Variants in HTR2C observed in about 807,000 individuals in gnomAD.
HTR2C encodes 5-hydroxytryptamine (serotonin) receptor 2C, G protein-coupled.
In HTR2C, 5 loss-of-function variants were observed where a neutral mutation model predicts 21.0. The ratio of observed to expected loss-of-function variants is 0.24; its 90% CI spans 0.12 to 0.50. HTR2C has a LOEUF of 0.50. HTR2C is among the 20% of genes least tolerant of loss of function. The probability of loss-of-function intolerance (pLI) is 0.98; values close to 1 mark genes in which losing one functional copy is unlikely to be tolerated. For synonymous variants in HTR2C, 150 were observed against 145.3 expected, an observed-to-expected ratio of 1.03 and a Z score of -0.23; for missense variants, 271 against 371.2, an observed-to-expected ratio of 0.73 and a Z score of 2.22.
At chrX:114,829,868 A>T (rs1189284104) in intron 4 of HTR2C, among the ~76,000 whole-genome samples, 9 of 111,345 alleles carry the variant, frequency 8.1e-5, no homozygotes, top group African/African-American at 2.9e-4. Context: ...ACATTGTTTG[A>T]TTATAATAGC....
chrX:114,775,528 G>A (rs1366697736), intron 4 of HTR2C: 4 of 493,637 alleles, frequency 8.1e-6, no homozygotes, highest in African/African-American at 4.7e-5. Context: ...GTAGTACTAT[G>A]CTTGATGAGG....
chrX:114,816,266 T>TAGATAGATAGATA (rs112900369), intron 4 of HTR2C, among the ~76,000 whole-genome samples: 5 of 102,881 alleles, frequency 4.9e-5, no homozygotes, highest in African/African-American at 1.4e-4. Context: ...GATAGATAGA[T>TAGATAGATAGATA]GATAGATAGA....
intron 2 of HTR2C, among the ~76,000 whole-genome samples, chrX:114,628,692 T>C (rs1285319195): frequency 1.8e-5 from 2 of 111,577 alleles, no homozygotes; most frequent in African/African-American, 6.5e-5. Context: ...TATTGGAACA[T>C]GGTTAGGCAT....
intron 2 of HTR2C, among the ~76,000 whole-genome samples, chrX:114,721,937 G>C (rs1445574610): frequency 1.9e-5 from 2 of 106,362 alleles, no homozygotes; most frequent in Non-Finnish European, 3.9e-5. Flanking sequence ...AGTATAGTTT[G>C]AAGTCAGGTA....
intron 2 of HTR2C, among the ~76,000 whole-genome samples, chrX:114,697,624 C>T (rs1262014560): frequency 1.8e-5 from 2 of 112,131 alleles, no homozygotes; most frequent in African/African-American, 3.2e-5. Context: ...TTTTACCTAA[C>T]AAAAAGGCCA....
chrX:114,847,677 A>G (rs1379983467), intron 4 of HTR2C, among the ~76,000 whole-genome samples: 1 of 110,714 alleles, frequency 9.0e-6, no homozygotes, highest in Non-Finnish European at 1.9e-5. Context: ...AACGGTATGC[A>G]GTTTCCTTTT....
intron 4 of HTR2C, among the ~76,000 whole-genome samples, chrX:114,764,916 TTTC>T (rs1194628018): frequency 7.8e-5 from 5 of 63,849 alleles, no homozygotes; most frequent in East Asian, 1.6e-3. Flanking sequence ...TCTTTCTTTC[TTTC>T]TTTCTTTTCC....
At chrX:114,664,531 C>T (rs782710375) in intron 2 of HTR2C, among the ~76,000 whole-genome samples, 1 of 112,022 alleles carries the variant, frequency 8.9e-6, no homozygotes, top group Admixed American at 9.5e-5. Context: ...CCATCCATGT[C>T]CCTGCCAAGA....
At chrX:114,693,814 C>T (rs903588677) in intron 2 of HTR2C, among the ~76,000 whole-genome samples, 2 of 111,443 alleles carry the variant, frequency 1.8e-5, no homozygotes, top group Non-Finnish European at 3.8e-5. Context: ...ACAAAATGAA[C>T]GTCATGGGAA....
At chrX:114,672,224 T>TA (rs1244462663) in intron 2 of HTR2C, among the ~76,000 whole-genome samples, 1 of 111,582 alleles carries the variant, frequency 9.0e-6, no homozygotes, top group Non-Finnish European at 1.9e-5. Context: ...TCATCTCTGC[T>TA]AAAAAGGTAA....
At chrX:114,788,123 A>T (rs782706857) in intron 4 of HTR2C, among the ~76,000 whole-genome samples, 2 of 111,007 alleles carry the variant, frequency 1.8e-5, no homozygotes, top group South Asian at 7.6e-4. Flanking sequence ...AACTAAGAGA[A>T]AACTAAGTAA....
At chrX:114,797,860 G>A (rs959182326) in intron 4 of HTR2C, among the ~76,000 whole-genome samples, 5 of 111,712 alleles carry the variant, frequency 4.5e-5, no homozygotes, top group African/African-American at 1.6e-4. Flanking sequence ...CAGCAATTAG[G>A]GAACAGGCAA....
chrX:114,744,605 C>T (rs1307871397), intron 4 of HTR2C, among the ~76,000 whole-genome samples: 1 of 108,701 alleles, frequency 9.2e-6, no homozygotes, highest in Non-Finnish European at 1.9e-5. Context: ...GGCGCCGGCC[C>T]TAATGCCCGG....
At chrX:114,881,870 A>G (rs1317780037) in intron 5 of HTR2C, among the ~76,000 whole-genome samples, 2 of 109,959 alleles carry the variant, frequency 1.8e-5, no homozygotes, top group African/African-American at 6.6e-5. Flanking sequence ...AGGCTTGACA[A>G]TTTCTACAAA....
At chrX:114,773,182 C>T (rs781980149) in intron 4 of HTR2C, among the ~76,000 whole-genome samples, 6 of 111,981 alleles carry the variant, frequency 5.4e-5, no homozygotes, top group Non-Finnish European at 1.1e-4. Flanking sequence ...ACTTCTTTCC[C>T]CCTTTCCCAT....
chrX:114,706,887 C>A (rs782079781), intron 2 of HTR2C, among the ~76,000 whole-genome samples: 1 of 110,271 alleles, frequency 9.1e-6, no homozygotes, highest in Non-Finnish European at 1.9e-5. Context: ...AAGTAGTAAC[C>A]AACAATTACA....
In HTR2C at chrX:114,750,949, A is replaced by G. The variant is rs782600911; in HGVS notation, c.349+19342A>G. On this transcript the variant is annotated intron_variant, in intron 4 of 5. Coordinates refer to ENST00000276198, the MANE Select transcript of HTR2C (RefSeq NM_000868.4). ...GACTGAAGATGTATGAAATTATTGG[A>G]CTAGAGTTGGGTAAAGATAGTTCAG... is the stretch of plus-strand genomic sequence containing the variant. 3.6e-5 allele frequency among the ~76,000 whole-genome samples: 4 copies of G among 111,978 alleles called. No homozygotes were observed. In the South Asian group the frequency reaches 1.1e-3, roughly 31 times the overall value.
intron 2 of HTR2C, among the ~76,000 whole-genome samples, chrX:114,635,428 C>T (rs1298149154): frequency 1.8e-5 from 2 of 111,443 alleles, no homozygotes; most frequent in Non-Finnish European, 3.8e-5. Context: ...TGGTCTACAG[C>T]GGATCAATCA....
At chrX:114,794,491 G>A (rs1292672126) in intron 4 of HTR2C, among the ~76,000 whole-genome samples, 1 of 102,686 alleles carries the variant, frequency 9.7e-6, no homozygotes, top group Non-Finnish European at 2.0e-5. Flanking sequence ...TCATCATTTA[G>A]CATTAGGTAT....
Sources: gnomAD v4.1 joint callset for allele counts (sites outside exome capture counted in the v4.1 genomes callset) on GRCh38, gnomAD v4.1.1 for gene constraint, MANE v1.5 for transcripts, NCBI Gene and HGNC (gene_info 2026-07-23, HGNC 2026-07-21) for gene names.